WDR62: variants seen among roughly 807,000 people sequenced by gnomAD.
WDR62 encodes the protein WD repeat domain 62, also known as WD repeat-containing protein 62.
A neutral mutation model predicts 160.6 loss-of-function variants in WDR62; 112 were observed. The ratio of observed to expected loss-of-function variants is 0.70; its 90% CI spans 0.60 to 0.82. The LOEUF is 0.82. Ranked by LOEUF, WDR62 falls within the 40% of genes least tolerant of loss-of-function variation. WDR62 has a pLI of 0.00. For synonymous variants in WDR62, 792 were observed against 815.1 expected (o/e 0.97, Z 0.48); for missense variants, 1,819 against 1,983.8 (o/e 0.92, Z 1.58).
At chr19:36,071,482 T>TCTGTCAG (rs1461077702) in intron 7 of WDR62, 74 bp from the exon 8 acceptor site, 2 of 1,584,456 alleles carry the variant, frequency 1.3e-6, no homozygotes, top group Admixed American at 1.7e-5. Context: ...CTAAGGCTGC[T>TCTGTCAG]CTGTCAGTCC....
chr19:36,102,970 C>G lies in WDR62; in HGVS notation c.3358C>G (p.Arg1120Gly). Residue 1120 changes from arginine (R) to glycine (G), a missense_variant, in exon 28 of 32, where the codon CGG becomes GGG. Physicochemically the swap from Arg to Gly is moderately radical, Grantham distance 125. This residue lies in a region of WDR62 where 770 missense variants were observed against 734.2 expected (regional missense o/e 1.05). Transcript: ENST00000401500. ...CAGGTTCACCCATACCTTCCCTCCC[C>G]GGGCAACCCAGTGCCTTGTGAAGTC... ...ASRFTHTFPP[R>G]ATQCLVKSPE... is the part of the protein sequence containing the mutation. The G allele has an allele frequency of 6.2e-7, 1 of 1,614,150 alleles. No individual in the cohort carries two copies. Among genetic ancestry groups the G allele is most frequent in the Non-Finnish European group, 8.5e-7 (1 of 1,180,038 alleles).
intron 9 of WDR62, among the ~76,000 whole-genome samples, chr19:36,081,141 T>G (rs928283820): frequency 6.6e-6 from 1 of 152,238 alleles, no homozygotes; most frequent in African/African-American, 2.4e-5. Flanking sequence ...TTCTGCTGCT[T>G]CTTGCTGATG....
intron 12 of WDR62, among the ~76,000 whole-genome samples, chr19:36,085,834 T>C (rs1972195002): frequency 6.6e-6 from 1 of 152,078 alleles, no homozygotes; most frequent in South Asian, 2.1e-4. Flanking sequence ...ATGGATGATA[T>C]ATGGTAGCAT....
intron 10 of WDR62, 116 bp from the exon 11 acceptor site, chr19:36,082,947 C>G: frequency 1.1e-6 from 1 of 882,872 alleles, no homozygotes; most frequent in Non-Finnish European, 1.8e-6. Context: ...TGGTGAAACT[C>G]CCAGCTCAAA....
chr19:36,069,849 CCAGTCAGG>C (rs1281611467), intron 7 of WDR62, among the ~76,000 whole-genome samples: 1 of 152,144 alleles, frequency 6.6e-6, no homozygotes, highest in African/African-American at 2.4e-5. Flanking sequence ...AATACGAAAA[CCAGTCAGG>C]CGTGGCGGCG....
chr19:36,084,809 G>A (rs1972113176), intron 12 of WDR62, 65 bp downstream of exon 12: 9 of 1,466,210 alleles, frequency 6.1e-6, no homozygotes, highest in Non-Finnish European at 8.5e-6. Context: ...CAGGGCCACA[G>A]AAAGGGGTAG....
intron 2 of WDR62, 73 bp from the exon 3 acceptor site, chr19:36,059,895 C>G (rs915072451): frequency 2.2e-5 from 34 of 1,523,564 alleles, no homozygotes; most frequent in Middle Eastern, 1.7e-4. Flanking sequence ...GTGGGCTTTT[C>G]TGGTGGGAAT....
chr19:36,109,208 A>G (rs1973761949), downstream of WDR62, among the ~76,000 whole-genome samples: 1 of 152,148 alleles, frequency 6.6e-6, no homozygotes, highest in Non-Finnish European at 1.5e-5. Flanking sequence ...TCTGACTAGA[A>G]CACCCTCCCC....
chr19:36,087,296 G>A (rs977117598), intron 13 of WDR62, among the ~76,000 whole-genome samples: 1 of 152,022 alleles, frequency 6.6e-6, no homozygotes, highest in African/African-American at 2.4e-5. Context: ...CATGAGGTCA[G>A]GAGTTCGAGA....
rs1170171811 is a variant in WDR62, at chr19:36,101,522, TC to T, written c.2972-139del. On this transcript the variant is annotated intron_variant, in intron 24 of 31. Transcript: ENST00000401500. ...TCTGCCACCTCCTTGATGTGGAACTTCCCTTATTCATAAAATGGGGGGCAGC... is the reference window on the plus strand; with the variant it reads ...TCTGCCACCTCCTTGATGTGGAACTTCCTTATTCATAAAATGGGGGGCAGC... 4.5e-5 allele frequency: 36 copies of T among 798,922 alleles called. No homozygotes were observed. In the Admixed American group the frequency reaches 7.0e-4, roughly 15 times the overall value. 49.5% of individuals were successfully genotyped at this position (798,922 alleles called of 1,614,324 possible).
chr19:36,104,925 C>T lies in WDR62; in HGVS notation c.4469C>T (p.Pro1490Leu), dbSNP rs1973658834. The T allele has an allele frequency of 6.2e-7, 1 of 1,609,384 alleles. No homozygotes were observed. Among genetic ancestry groups the T allele is most frequent in the Non-Finnish European group, 8.5e-7 (1 of 1,179,114 alleles). The change falls in exon 32 of 32, where the codon CCA becomes CTA. Residue 1490 changes from proline to leucine, a missense_variant. Physicochemically the swap from Pro to Leu is moderately conservative, Grantham distance 98. Transcript: ENST00000401500. Reference sequence around the variant, plus strand: ...CTGCCCAGCCCAGGACCCCCGTCCCCACCGACGCTGTACCCCCTGGCCAGC... The same window carrying T: ...CTGCCCAGCCCAGGACCCCCGTCCCTACCGACGCTGTACCCCCTGGCCAGC... ...QALPSPGPPS[P>L]PTLYPLASPD...
At chr19:36,056,936 T>C (rs1970403921) in intron 1 of WDR62, among the ~76,000 whole-genome samples, 1 of 151,958 alleles carries the variant, frequency 6.6e-6, no homozygotes, top group Admixed American at 6.6e-5. Flanking sequence ...TCAAGCCTCC[T>C]GAGTAGCTGG....
intron 22 of WDR62, among the ~76,000 whole-genome samples, chr19:36,100,074 T>TA (rs1233145704): frequency 6.6e-6 from 1 of 152,212 alleles, no homozygotes; most frequent in African/African-American, 2.4e-5. Context: ...CTAGGCAACG[T>TA]AGCAAGATCC....
chr19:36,069,153 C>T (rs1365256438), intron 7 of WDR62, among the ~76,000 whole-genome samples: 4 of 145,548 alleles, frequency 2.7e-5, no homozygotes, highest in African/African-American at 8.4e-5. Flanking sequence ...CCGGACTGGG[C>T]GGCTGGCCGG....
intron 8 of WDR62, among the ~76,000 whole-genome samples, chr19:36,072,863 T>C (rs557905674): frequency 6.6e-6 from 1 of 152,314 alleles, no homozygotes; most frequent in East Asian, 1.9e-4. Flanking sequence ...TGTGAGAATT[T>C]ATTGCAGGTA....
chr19:36,063,742 T>C (rs1970789259), intron 3 of WDR62, among the ~76,000 whole-genome samples: 1 of 152,242 alleles, frequency 6.6e-6, no homozygotes, highest in Non-Finnish European at 1.5e-5. Context: ...CTGGGAGCAC[T>C]TGGCCAAGGT....
chr19:36,102,082 C>T lies in WDR62; in HGVS notation c.3151C>T (p.Pro1051Ser). ...EGPSVPSSSLPQTPEQEKFLR... is the reference protein window; with the variant it reads ...EGPSVPSSSLSQTPEQEKFLR... Reference sequence around the variant, plus strand: ...ACCCAGCGTCCCCAGCAGCTCCCTACCCCAGACTCCGGAGCAGGAGAAGTT... The same window carrying T: ...ACCCAGCGTCCCCAGCAGCTCCCTATCCCAGACTCCGGAGCAGGAGAAGTT... Residue 1051 changes from proline to serine, a missense_variant, in exon 26 of 32, where the codon CCC becomes TCC. Around this residue, in one of 3 missense-constraint regions of WDR62, gnomAD observed 770 missense variants for 734.2 expected, o/e 1.05. Transcript: ENST00000401500. 12 of 1,614,184 alleles carry T rather than the reference C, an allele frequency of 7.4e-6. No homozygotes were observed. Among genetic ancestry groups the T allele is most frequent in the Non-Finnish European group, 1.0e-5 (12 of 1,180,036 alleles).
At chr19:36,059,313 G>A (rs1009407065) in intron 2 of WDR62, among the ~76,000 whole-genome samples, 2 of 152,138 alleles carry the variant, frequency 1.3e-5, no homozygotes, top group African/African-American at 4.8e-5. Flanking sequence ...CATGTAGCCT[G>A]GCACTGTGCT....
At chr19:36,062,649 C>CAAAAAAAAAAAAAAAAAAA (rs1167386837) in intron 3 of WDR62, 7 of 39,464 alleles carry the variant, frequency 1.8e-4, no homozygotes, top group African/African-American at 8.2e-4. Context: ...GAGTCCGTCT[C>CAAAAAAAAAAAAAAAAAAA]AAAAAAAAAA....
Sources: gnomAD v4.1 joint callset for allele counts (sites outside exome capture counted in the v4.1 genomes callset) on GRCh38, gnomAD v4.1.1 for gene constraint, gnomAD v4.1.1 regional missense constraint, MANE v1.5 for transcripts, NCBI Gene and HGNC (gene_info 2026-07-23, HGNC 2026-07-21) for gene names.